EPG5: variants seen among roughly 807,000 people sequenced by gnomAD.
EPG5 encodes ectopic P-granules 5 autophagy tethering factor.
A neutral mutation model predicts 302.7 loss-of-function variants in EPG5; 159 were observed. That is an observed-to-expected ratio of 0.53 (90% CI 0.46 to 0.60). The LOEUF (loss-of-function observed/expected upper bound fraction) is 0.60. Among genes scored for constraint, EPG5 ranks in the 20% least tolerant of loss-of-function variants. The probability of loss-of-function intolerance (pLI) is 0.00; values close to 1 mark genes in which losing one functional copy is unlikely to be tolerated. For synonymous variants in EPG5, 1,158 were observed against 1,136.8 expected (o/e 1.02, Z -0.37); for missense variants, 2,896 against 3,092.4 (o/e 0.94, Z 1.51).
At position 45,937,233 on chromosome 18, in the gene EPG5, TATAC is replaced by T. The variant is rs761502533; in HGVS notation, c.2100-2271_2100-2268del. Among the ~76,000 whole-genome samples, 357 of 76,316 alleles carry T rather than the reference TATAC, an allele frequency of 4.7e-3. 4 individuals are homozygous for T. In the East Asian group the frequency reaches 0.052, roughly 11 times the overall value. 50.1% of individuals were successfully genotyped at this position (76,316 alleles called of 152,430 possible). On this transcript the variant is annotated intron_variant, in intron 10 of 43. Coordinates refer to ENST00000282041, the MANE Select transcript of EPG5 (RefSeq NM_020964.3). ...GAAGTCTGGCATATATATACATATA[TATAC>T]ACACACACACACACACACACACACA...
intron 10 of EPG5, among the ~76,000 whole-genome samples, chr18:45,935,681 G>T (rs72918358): frequency 0.021 from 3,136 of 152,294 alleles, 57 homozygotes; most frequent in Non-Finnish European, 0.031. Flanking sequence ...CACACACACA[G>T]GTACACGTGT....
the EPG5 span, among the ~76,000 whole-genome samples, chr18:45,811,687 G>A: frequency 6.6e-6 from 1 of 152,306 alleles, no homozygotes; most frequent in South Asian, 2.1e-4. Context: ...CTCAATAGAT[G>A]CAGAAAAGGC....
At chr18:45,899,829 C>A (rs940332208) in intron 26 of EPG5, among the ~76,000 whole-genome samples, 2 of 152,158 alleles carry the variant, frequency 1.3e-5, no homozygotes, top group African/African-American at 4.8e-5. Flanking sequence ...CATTTAGAAT[C>A]CATGTTATAC....
chr18:45,895,734 G>A (rs888522953), intron 27 of EPG5, among the ~76,000 whole-genome samples: 2 of 152,132 alleles, frequency 1.3e-5, no homozygotes, highest in Non-Finnish European at 2.9e-5. Context: ...CCATGAGGTG[G>A]TCACTGGACA....
chr18:45,887,856 A>T lies in EPG5; in HGVS notation c.5004T>A (p.Val1668=), dbSNP rs766682148. The change falls in exon 29 of 44, where the codon GTT becomes GTA. Residue 1668 remains valine (V), a synonymous_variant. Coordinates refer to ENST00000282041, the MANE Select transcript of EPG5 (RefSeq NM_020964.3). ...KLQPTPGIQK[V]GISLFFTIVD... Reference sequence around the variant, plus strand: ...CAATAGTAAAGAAAAGGCTAATGCCAACTTTCTGAATCCCAGGTGTAGGCT... The same window carrying T: ...CAATAGTAAAGAAAAGGCTAATGCCTACTTTCTGAATCCCAGGTGTAGGCT... The T allele has an allele frequency of 6.3e-7, 1 of 1,599,880 alleles. No individual in the cohort carries two copies. The highest frequency in any genetic ancestry group is 1.1e-5 in the South Asian group (1 of 89,820).
At chr18:45,835,237 G>A in the EPG5 span, among the ~76,000 whole-genome samples, 1 of 152,296 alleles carries the variant, frequency 6.6e-6, no homozygotes, top group Non-Finnish European at 1.5e-5. Flanking sequence ...AGATAAGCAA[G>A]TAAGAGACCC....
In EPG5 at chr18:45,943,304, A is replaced by G. The variant is rs2089635607; in HGVS notation, c.1800T>C (p.Tyr600=). 2.5e-6 allele frequency: 4 copies of G among 1,613,884 alleles called. No homozygotes were observed. Among genetic ancestry groups the G allele is most frequent in the South Asian group, 1.1e-5 (1 of 91,068 alleles). Residue 600 remains tyrosine (Y), a synonymous_variant, in exon 9 of 44, where the codon TAT becomes TAC. Transcript: ENST00000282041. ...CTTGAGGTCTTGTTGTTTCAGGTAA[A>G]TAATCACCTAGAAGTTAATCAGATA... The part of the protein sequence containing the change: ...HLLGFKAKGD[Y]LPETTRPQEM...
At position 45,901,181 on chromosome 18, in the gene EPG5, A is replaced by G. The variant is rs1435954898; in HGVS notation, c.4475-14T>C. On this transcript the variant is annotated splice_polypyrimidine_tract_variant and intron_variant, in intron 25 of 43. Transcript: ENST00000282041. ...CCCTTTCTTTAGCTGAAAGAAAATTAAGTCATATATACTGAGCAATCAGGT... is the reference window on the plus strand; with the variant it reads ...CCCTTTCTTTAGCTGAAAGAAAATTGAGTCATATATACTGAGCAATCAGGT... The G allele has an allele frequency of 6.2e-7, 1 of 1,612,284 alleles. No homozygotes were observed. Among genetic ancestry groups the G allele is most frequent in the Non-Finnish European group, 8.5e-7 (1 of 1,178,816 alleles).
chr18:45,803,260 G>C, the EPG5 span, among the ~76,000 whole-genome samples: 1 of 152,262 alleles, frequency 6.6e-6, no homozygotes, highest in South Asian at 2.1e-4. Flanking sequence ...TAGGAATCAG[G>C]ATCTGGATCG....
rs895791778 is a variant in EPG5, at chr18:45,954,682, C to T, written c.720G>A (p.Glu240=). ...GAGACGGGAGTTCTGGGTAGAGTCG[C>T]TCACTGCGAAGCAAGGGTTTCACTG... The part of the protein sequence containing the change: ...LVAVKPLLRS[E]RLYPELPSQL... Residue 240 remains glutamate (E), a synonymous_variant, in exon 2 of 44, where the codon GAG becomes GAA. Transcript: ENST00000282041. The T allele has an allele frequency of 5.6e-6, 9 of 1,614,122 alleles. No individual in the cohort carries two copies. Among genetic ancestry groups the T allele is most frequent in the Admixed American group, 5.0e-5 (3 of 60,014 alleles).
In EPG5 at chr18:45,910,676, T is replaced by C; in HGVS notation, c.4050A>G (p.Lys1350=). 1.2e-6 allele frequency: 2 copies of C among 1,614,218 alleles called. No homozygotes were observed. Among genetic ancestry groups the C allele is most frequent in the Non-Finnish European group, 1.7e-6 (2 of 1,180,040 alleles). ...FQSPAHINLL[K]EMKRRLTEVA... ...CCTCGGTCAAACGTCTCTTCATTTC[T>C]TTCAACAAATTGATATGAGCAGGAC... Residue 1350 remains lysine, a synonymous_variant, in exon 23 of 44, where the codon AAA becomes AAG. Transcript: ENST00000282041.
chr18:45,860,447 G>T, intron 39 of EPG5, 101 bp from the exon 40 acceptor site: 1 of 1,460,868 alleles, frequency 6.8e-7, no homozygotes, highest in Non-Finnish European at 9.5e-7. Context: ...TCTCCAGGCA[G>T]ATTTTACAGT....
intron 7 of EPG5, among the ~76,000 whole-genome samples, chr18:45,944,679 T>C (rs1331388628): frequency 6.6e-6 from 1 of 151,968 alleles, no homozygotes; most frequent in African/African-American, 2.4e-5. Context: ...TATTTGAACC[T>C]GGGAGTCGGA....
chr18:45,822,442 A>G, the EPG5 span, among the ~76,000 whole-genome samples: 1 of 152,178 alleles, frequency 6.6e-6, no homozygotes, highest in Non-Finnish European at 1.5e-5. Flanking sequence ...ATACAAAATT[A>G]TAACTAGATA....
At chr18:45,950,359 T>A (rs576791628) in intron 4 of EPG5, among the ~76,000 whole-genome samples, 1 of 152,100 alleles carries the variant, frequency 6.6e-6, no homozygotes, top group Non-Finnish European at 1.5e-5. Context: ...CAGTGGGAGG[T>A]AACTGAATCA....
intron 16 of EPG5, among the ~76,000 whole-genome samples, chr18:45,918,801 T>C (rs2050087717): frequency 6.6e-6 from 1 of 152,112 alleles, no homozygotes; most frequent in African/African-American, 2.4e-5. Flanking sequence ...TCATAACTAC[T>C]AGTAAAGAAA....
At chr18:45,927,630 A>ACACACG (rs1263212808) in intron 13 of EPG5, among the ~76,000 whole-genome samples, 6 of 151,612 alleles carry the variant, frequency 4.0e-5, no homozygotes, top group South Asian at 2.1e-4. Context: ...ACACACACAC[A>ACACACG]CACGCACCAA....
chr18:45,910,380 A>T (rs2049862817), intron 23 of EPG5, 141 bp downstream of exon 23: 1 of 606,790 alleles, frequency 1.6e-6, no homozygotes, highest in Admixed American at 3.3e-5. Context: ...TCAAGATGCA[A>T]ATCTATATCA....
the EPG5 span, among the ~76,000 whole-genome samples, chr18:45,827,963 G>A: frequency 8.8e-4 from 134 of 152,292 alleles, no homozygotes; most frequent in African/African-American, 3.1e-3. Flanking sequence ...CGCGTGAGCC[G>A]ACTCAGCTGC....
Sources: allele counts gnomAD v4.1 joint callset (sites outside exome capture counted in the v4.1 genomes callset), GRCh38; gene constraint gnomAD v4.1.1; transcripts MANE v1.5; gene names NCBI Gene and HGNC (gene_info 2026-07-23, HGNC 2026-07-21).